CAPN14: variants seen among roughly 807,000 people sequenced by gnomAD.
The protein encoded by CAPN14 is calpain-14.
CAPN14 carries 94 observed loss-of-function variants against 101.3 expected under a neutral mutation model. The ratio of observed to expected loss-of-function variants is 0.93; its 90% CI spans 0.79 to 1.10. The LOEUF (loss-of-function observed/expected upper bound fraction) is 1.10, where lower values mean the gene tolerates loss of function less well. CAPN14 is among the 50% of genes least tolerant of loss of function. The probability of loss-of-function intolerance (pLI) is 0.00; values close to 1 mark genes in which losing one functional copy is unlikely to be tolerated. For synonymous variants in CAPN14, 338 were observed against 317.9 expected (o/e 1.06, Z -0.67); for missense variants, 837 against 828.4 (o/e 1.01, Z -0.13).
chr2:31,191,428 C>CAGAAAAAAAAAAAAAAAAA, intron 11 of CAPN14, 21 bp from the exon 12 acceptor site: 1 of 1,426,114 alleles, frequency 7.0e-7, no homozygotes, highest in Non-Finnish European at 9.1e-7. Flanking sequence ...AAAACAAAAA[C>CAGAAAAAAAAAAAAAAAAA]AGAAAAAAAA....
At chr2:31,224,679 GTAAA>G (rs1464136165) in intron 2 of CAPN14, among the ~76,000 whole-genome samples, 1 of 151,752 alleles carries the variant, frequency 6.6e-6, no homozygotes, top group Non-Finnish European at 1.5e-5. Flanking sequence ...TTAATAAATA[GTAAA>G]TAAAATAACT....
At chr2:31,195,250 C>T (rs544337865) in intron 8 of CAPN14, among the ~76,000 whole-genome samples, 2 of 152,182 alleles carry the variant, frequency 1.3e-5, no homozygotes, top group African/African-American at 4.8e-5. Flanking sequence ...TTTCTGAAAG[C>T]GAAACTCCCT....
At chr2:31,179,193 G>A (rs1680468879) in intron 17 of CAPN14, among the ~76,000 whole-genome samples, 1 of 151,012 alleles carries the variant, frequency 6.6e-6, no homozygotes, top group Non-Finnish European at 1.5e-5. Flanking sequence ...TTTACATTAG[G>A]TATTTCTCCT....
At chr2:31,200,385 T>C in intron 6 of CAPN14, 66 bp downstream of exon 6, 2 of 1,398,978 alleles carry the variant, frequency 1.4e-6, no homozygotes, top group Admixed American at 2.1e-5. Context: ...GTGAGGGTAG[T>C]GGTGGTGGAT....
At chr2:31,181,398 T>TTTTC (rs538044256) in intron 16 of CAPN14, among the ~76,000 whole-genome samples, 7,538 of 134,766 alleles carry the variant, frequency 0.056, 213 homozygotes, top group Middle Eastern at 0.086. Context: ...TTCTTTCTTT[T>TTTTC]TTTCTTTCTT....
intron 1 of CAPN14, among the ~76,000 whole-genome samples, chr2:31,215,305 G>T (rs1333996642): frequency 6.6e-6 from 1 of 151,324 alleles, no homozygotes; most frequent in Admixed American, 6.6e-5. Context: ...CATCTTCAGA[G>T]AGTCATGGAA....
rs999285869 is a variant in CAPN14 at position 31,189,356 on chromosome 2, C to T, written c.1410G>A (p.Thr470=). Residue 470 remains threonine (T), a synonymous_variant, in exon 13 of 22, where the codon ACG becomes ACA. Coordinates refer to ENST00000403897, the MANE Select transcript of CAPN14 (RefSeq NM_001145122.2). The part of the protein sequence containing the change: ...VSQELCLEPG[T]YLIVPCILEA... Reference sequence around the variant, plus strand: ...CCAATATGCAGGGCACGATGAGGTACGTCCCTGGTTCCAGACACAGCTCCT... The same window carrying T: ...CCAATATGCAGGGCACGATGAGGTATGTCCCTGGTTCCAGACACAGCTCCT... 1.2e-5 allele frequency: 19 copies of T among 1,551,738 alleles called. No individual in the cohort carries two copies. The highest frequency in any genetic ancestry group is 2.7e-5 in the African/African-American group (2 of 73,184).
intron 14 of CAPN14, 71 bp downstream of exon 14, chr2:31,188,247 T>C (rs1013054441): frequency 1.4e-6 from 2 of 1,385,858 alleles, no homozygotes; most frequent in African/African-American, 2.9e-5. Flanking sequence ...CTCCTTAACT[T>C]GAAGGGAGAA....
intron 2 of CAPN14, chr2:31,226,503 A>T (rs1362841219): frequency 6.6e-6 from 1 of 152,214 alleles, no homozygotes; most frequent in Non-Finnish European, 1.5e-5. Flanking sequence ...CCTGGCAAAG[A>T]GACAGACATG....
chr2:31,220,250 G>A (rs1190687480), upstream of CAPN14, among the ~76,000 whole-genome samples: 1 of 152,196 alleles, frequency 6.6e-6, no homozygotes, highest in African/African-American at 2.4e-5. Flanking sequence ...AATAATGACT[G>A]CTCCAAGGTG....
chr2:31,180,926 G>C lies in CAPN14; in HGVS notation c.1710+10C>G, dbSNP rs1478921631. On this transcript the variant is annotated intron_variant, in intron 17 of 21. Coordinates refer to ENST00000403897, the MANE Select transcript of CAPN14 (RefSeq NM_001145122.2). The stretch of plus-strand genomic sequence containing the variant: ...ACAGCAAGCATCCACCCACAAACCT[G>C]AAAGGATACGTCCAGTAAGGCCAGG... 9.0e-6 allele frequency: 14 copies of C among 1,551,196 alleles called. No individual in the cohort carries two copies. Among genetic ancestry groups the C allele is most frequent in the Non-Finnish European group, 1.2e-5 (14 of 1,146,598 alleles).
At chr2:31,219,491 G>A (rs565061663), upstream of CAPN14, among the ~76,000 whole-genome samples, 1 of 152,238 alleles carries the variant, frequency 6.6e-6, no homozygotes, top group South Asian at 2.1e-4. Context: ...CCAGAAGTGG[G>A]TTGGCAAGTT....
chr2:31,203,188 C>T lies in CAPN14; in HGVS notation c.226-49G>A. The T allele has an allele frequency of 4.7e-6, 7 of 1,489,236 alleles. No homozygotes were observed. In the South Asian group the frequency reaches 6.0e-5, roughly 13 times the overall value. The allele number at this position is 1,489,236 out of a possible 1,614,324, so 92.3% of individuals were successfully genotyped here. ...CATTCTGACCTAGAACAAAAAAGCT[C>T]CTGGAGCTACAGTGACCACGTTTTC... On this transcript the variant is annotated intron_variant, in intron 2 of 21. Coordinates refer to ENST00000403897, the MANE Select transcript of CAPN14 (RefSeq NM_001145122.2).
intron 10 of CAPN14, among the ~76,000 whole-genome samples, chr2:31,192,664 G>A (rs541215231): frequency 4.0e-4 from 61 of 152,236 alleles, no homozygotes; most frequent in African/African-American, 9.1e-4. Context: ...TTTGTCTCCC[G>A]TATCTAGTGA....
intron 17 of CAPN14, among the ~76,000 whole-genome samples, chr2:31,180,279 C>G (rs1474266706): frequency 1.3e-5 from 2 of 152,160 alleles, no homozygotes; most frequent in South Asian, 2.1e-4. Flanking sequence ...GCTCCATGCC[C>G]GTGCACCTAA....
At chr2:31,198,502 G>C (rs1484918115) in intron 7 of CAPN14, among the ~76,000 whole-genome samples, 2 of 152,214 alleles carry the variant, frequency 1.3e-5, no homozygotes, top group Non-Finnish European at 2.9e-5. Context: ...GAGTAGTGCT[G>C]TGAGGATGAA....
Position 31,205,674 on chromosome 2 carries a change from C to T in CAPN14, c.-52-175G>A, listed in dbSNP as rs552279672. On this transcript the variant is annotated intron_variant, in intron 1 of 21. Transcript: ENST00000403897. ...GAGTGTGGGTCCTTGAGCACTCACT[C>T]AAGTGCTTGAGGACCTGGTGGGAGA... Among the ~76,000 whole-genome samples the T allele has an allele frequency of 9.9e-5, 15 of 152,242 alleles. 1 individual carries two copies. Among genetic ancestry groups the T allele is most frequent in the Middle Eastern group, 3.4e-3 (1 of 294 alleles).
chr2:31,222,051 T>C (rs899960797), upstream of CAPN14, among the ~76,000 whole-genome samples: 1 of 152,228 alleles, frequency 6.6e-6, no homozygotes, highest in Admixed American at 6.5e-5. Context: ...GCTTGCATTA[T>C]CTTAAAATAG....
At position 31,212,231 on chromosome 2, in the gene CAPN14, A is replaced by C. The variant is rs187898869; in HGVS notation, c.-53+5225T>G. On this transcript the variant is annotated intron_variant, in intron 1 of 21. Transcript: ENST00000403897. ...AGACCAAGGCAGGAGAATTGCTTGA[A>C]CCTGGGAGGTGGAGGTTGCAGTGAG... Among the ~76,000 whole-genome samples, 103 of 151,166 alleles carry C rather than the reference A, an allele frequency of 6.8e-4. No individual in the cohort carries two copies. The East Asian group carries it at 0.012, about 18-fold the overall frequency.
Sources: gnomAD v4.1 joint callset for allele counts (sites outside exome capture counted in the v4.1 genomes callset) on GRCh38, gnomAD v4.1.1 for gene constraint, MANE v1.5 for transcripts, NCBI Gene and HGNC (gene_info 2026-07-23, HGNC 2026-07-21) for gene names.